The following PHTF2 variants were observed in gnomAD, a reference collection of about 807,000 sequenced individuals.
PHTF2 encodes the protein putative homeodomain transcription factor 2.
PHTF2 carries 60 observed loss-of-function variants against 101.2 expected under a neutral mutation model. The ratio of observed to expected loss-of-function variants is 0.59; its 90% confidence interval spans 0.48 to 0.73. PHTF2 has a LOEUF of 0.73. Among genes scored for constraint, PHTF2 ranks in the 30% least tolerant of loss-of-function variants. PHTF2 has a pLI of 0.00. For missense variants in PHTF2, 747 were observed against 908.7 expected (o/e 0.82, Z 2.29); for synonymous variants, 311 against 307.3 (o/e 1.01, Z -0.13).
At chr7:77,799,253 C>T (rs1792326079) in intron 1 of PHTF2, among the ~76,000 whole-genome samples, 2 of 152,132 alleles carry the variant, frequency 1.3e-5, no homozygotes, top group Non-Finnish European at 1.5e-5. Flanking sequence ...TTGATGGTGA[C>T]GGGCCGAAGC....
At chr7:77,896,172 T>C (rs1007380747) in intron 5 of PHTF2, among the ~76,000 whole-genome samples, 2 of 152,184 alleles carry the variant, frequency 1.3e-5, no homozygotes, top group Non-Finnish European at 2.9e-5. Flanking sequence ...TTGTACAAAG[T>C]CATGGGGTAC....
At chr7:77,883,377 C>T (rs1336640380) in intron 3 of PHTF2, among the ~76,000 whole-genome samples, 1 of 151,970 alleles carries the variant, frequency 6.6e-6, no homozygotes, top group Non-Finnish European at 1.5e-5. Flanking sequence ...TCATCATGAC[C>T]ACATAATTTT....
At chr7:77,884,660 G>T (rs898237952) in intron 3 of PHTF2, among the ~76,000 whole-genome samples, 2 of 152,124 alleles carry the variant, frequency 1.3e-5, no homozygotes, top group African/African-American at 4.8e-5. Flanking sequence ...ACTCTGGTAG[G>T]CCGAGGCAGG....
At chr7:77,812,983 C>CT (rs1793568123) in intron 1 of PHTF2, among the ~76,000 whole-genome samples, 1 of 152,168 alleles carries the variant, frequency 6.6e-6, no homozygotes, top group African/African-American at 2.4e-5. Flanking sequence ...ACTTGTTTGA[C>CT]TTTTTCTAAT....
At chr7:77,874,768 C>G (rs1798796045) in intron 3 of PHTF2, among the ~76,000 whole-genome samples, 1 of 152,208 alleles carries the variant, frequency 6.6e-6, no homozygotes, top group African/African-American at 2.4e-5. Context: ...TCAATCCAGT[C>G]AAGTTGACAG....
intron 12 of PHTF2, among the ~76,000 whole-genome samples, chr7:77,935,017 T>G (rs1804956498): frequency 6.6e-6 from 1 of 151,778 alleles, no homozygotes; most frequent in African/African-American, 2.4e-5. Context: ...AAAATGAAAT[T>G]ATTTGCTCTG....
intron 9 of PHTF2, among the ~76,000 whole-genome samples, chr7:77,914,295 G>C (rs1217146550): frequency 1.3e-5 from 2 of 151,968 alleles, no homozygotes; most frequent in Non-Finnish European, 2.9e-5. Context: ...TTCACATTTC[G>C]ATTGGGTCTT....
chr7:77,913,534 A>C (rs150879944), intron 9 of PHTF2, among the ~76,000 whole-genome samples: 14 of 152,308 alleles, frequency 9.2e-5, no homozygotes, highest in African/African-American at 3.1e-4. Flanking sequence ...GTCGTTCAGC[A>C]TAGTACTTAC....
intron 11 of PHTF2, chr7:77,923,085 T>C: frequency 9.6e-7 from 1 of 1,042,544 alleles, no homozygotes; most frequent in East Asian, 7.8e-5. Flanking sequence ...TGTTCACTTT[T>C]TCCACAATTT....
At chr7:77,912,044 A>C (rs1461571390) in intron 9 of PHTF2, among the ~76,000 whole-genome samples, 7 of 152,150 alleles carry the variant, frequency 4.6e-5, no homozygotes, top group Admixed American at 4.6e-4. Flanking sequence ...TACAACTGAT[A>C]TTATGTGTAG....
At chr7:77,916,184 A>C (rs2150895231) in intron 9 of PHTF2, among the ~76,000 whole-genome samples, 1 of 152,282 alleles carries the variant, frequency 6.6e-6, no homozygotes, top group South Asian at 2.1e-4. Context: ...TTTGAAGTTG[A>C]CAAAATAGAA....
exon 15 of PHTF2, chr7:77,940,606 T>C (rs1162638626): frequency 6.2e-7 from 1 of 1,606,872 alleles, no homozygotes; most frequent in Non-Finnish European, 8.5e-7. Context: ...TCATTTCCGG[T>C]TGAAGAAAGT....
At chr7:77,802,780 C>G (rs997607091) in intron 1 of PHTF2, among the ~76,000 whole-genome samples, 3 of 152,204 alleles carry the variant, frequency 2.0e-5, no homozygotes, top group Admixed American at 1.3e-4. Flanking sequence ...ATTTTCCCAT[C>G]TTGGCCTACC....
chr7:77,819,344 C>G (rs1794092117), intron 1 of PHTF2, among the ~76,000 whole-genome samples: 2 of 152,174 alleles, frequency 1.3e-5, no homozygotes, highest in Admixed American at 6.5e-5. Context: ...TGGCTTTTTC[C>G]TAGTCAGTAT....
chr7:77,886,789 A>G (rs904490898), intron 3 of PHTF2, among the ~76,000 whole-genome samples: 7 of 152,148 alleles, frequency 4.6e-5, no homozygotes, highest in Non-Finnish European at 1.0e-4. Flanking sequence ...CACACCCGTA[A>G]TCCCAGCACT....
chr7:77,918,985 T>TA (rs1277616460), intron 9 of PHTF2, among the ~76,000 whole-genome samples: 11 of 152,180 alleles, frequency 7.2e-5, no homozygotes, highest in African/African-American at 1.9e-4. Flanking sequence ...CCTGTTTGCA[T>TA]AAGACAGAAA....
At chr7:77,860,891 A>T (rs546166504) in intron 3 of PHTF2, among the ~76,000 whole-genome samples, 87 of 151,970 alleles carry the variant, frequency 5.7e-4, no homozygotes, top group African/African-American at 2.0e-3. Flanking sequence ...TATTGTAGTG[A>T]TGGGGTCTCA....
chr7:77,805,289 G>T (rs1419891421), intron 1 of PHTF2, among the ~76,000 whole-genome samples: 1 of 152,068 alleles, frequency 6.6e-6, no homozygotes, highest in African/African-American at 2.4e-5. Context: ...TGACTCTGAT[G>T]TCTTTTCTCT....
intron 2 of PHTF2, among the ~76,000 whole-genome samples, chr7:77,852,171 A>G (rs1796818226): frequency 6.6e-6 from 1 of 152,118 alleles, no homozygotes; most frequent in Non-Finnish European, 1.5e-5. Context: ...GACCACAGGC[A>G]TGTGCCACCC....
Sources: gnomAD v4.1 joint callset for allele counts (sites outside exome capture counted in the v4.1 genomes callset) on GRCh38, gnomAD v4.1.1 for gene constraint, MANE v1.5 for transcripts, NCBI Gene and HGNC (gene_info 2026-07-23, HGNC 2026-07-21) for gene names.